Variants in ABAT observed in about 807,000 individuals in gnomAD.
ABAT encodes 4-aminobutyrate aminotransferase.
Under a neutral mutation model 64.6 loss-of-function variants are expected in ABAT, and 45 were observed. The observed-to-expected ratio is 0.70, with a 90% CI of 0.55 to 0.89. ABAT has a LOEUF of 0.89. ABAT is among the 40% of genes least tolerant of loss of function. The pLI is 0.00. For synonymous variants in ABAT, 297 were observed against 250.5 expected, an observed-to-expected ratio of 1.19 and a Z score of -1.75; for missense variants, 633 against 658.4, an observed-to-expected ratio of 0.96 and a Z score of 0.42.
At chr16:8,698,699 C>A (rs964852417) in intron 1 of ABAT, among the ~76,000 whole-genome samples, 1 of 152,150 alleles carries the variant, frequency 6.6e-6, no homozygotes, top group South Asian at 2.1e-4. Flanking sequence ...AATCCCAGCA[C>A]TTTGGGAGGC....
intron 1 of ABAT, among the ~76,000 whole-genome samples, chr16:8,687,462 G>A (rs947398316): frequency 2.7e-5 from 4 of 150,470 alleles, no homozygotes; most frequent in Non-Finnish European, 4.4e-5. Flanking sequence ...GGAGTCGGAG[G>A]TTGCAATGAG....
At chr16:8,680,965 TTTTTC>T (rs1446540190) in intron 1 of ABAT, among the ~76,000 whole-genome samples, 15 of 146,018 alleles carry the variant, frequency 1.0e-4, no homozygotes, top group African/African-American at 3.7e-4. Flanking sequence ...TCTCTTTTTC[TTTTTC>T]TTTTTATTTA....
intron 11 of ABAT, among the ~76,000 whole-genome samples, chr16:8,770,340 T>C (rs151145172): frequency 1.3e-5 from 2 of 152,172 alleles, no homozygotes; most frequent in African/African-American, 4.8e-5. Flanking sequence ...GGTTTCACCG[T>C]GTTAGCCAGG....
At chr16:8,737,851 C>G (rs1263739038) in intron 2 of ABAT, among the ~76,000 whole-genome samples, 3 of 147,646 alleles carry the variant, frequency 2.0e-5, no homozygotes, top group African/African-American at 5.0e-5. Flanking sequence ...GCACTTGAAC[C>G]CAGAAGGCGG....
intron 4 of ABAT, among the ~76,000 whole-genome samples, chr16:8,750,053 T>C (rs2059434377): frequency 6.6e-6 from 1 of 152,256 alleles, no homozygotes; most frequent in Admixed American, 6.5e-5. Context: ...AGTGAGTACT[T>C]TGCAGTGTAA....
intron 2 of ABAT, among the ~76,000 whole-genome samples, chr16:8,739,846 T>C (rs577529063): frequency 2.0e-5 from 3 of 152,054 alleles, no homozygotes; most frequent in African/African-American, 7.2e-5. Context: ...TGAATCTTTT[T>C]TGGCACATTT....
rs140906790 is a variant in ABAT, at chr16:8,695,458, G to A, written c.-42+20747G>A. On this transcript the variant is annotated intron_variant, in intron 1 of 15. Transcript: ENST00000268251. ...ATTCATGATTCTGCAGAAAAACTAG[G>A]CAGCCAGACAGACCTGGTTCAAATC... is the stretch of plus-strand genomic sequence containing the variant. 2.6e-5 allele frequency among the ~76,000 whole-genome samples: 4 copies of A among 152,280 alleles called. No individual in the cohort carries two copies. The East Asian group carries it at 7.7e-4, about 29-fold the overall frequency.
chr16:8,739,817 G>T (rs2059112570), intron 2 of ABAT, among the ~76,000 whole-genome samples: 1 of 151,632 alleles, frequency 6.6e-6, no homozygotes, highest in Admixed American at 6.6e-5. Context: ...TACCTCTTCT[G>T]CATTTTCTTG....
At chr16:8,747,109 C>A (rs1005578525) in intron 3 of ABAT, among the ~76,000 whole-genome samples, 1 of 152,142 alleles carries the variant, frequency 6.6e-6, no homozygotes, top group African/African-American at 2.4e-5. Context: ...CCGCATGGGT[C>A]CGCCATCACT....
chr16:8,780,847 C>A, intron 15 of ABAT: 1 of 317,140 alleles, frequency 3.2e-6, no homozygotes, highest in African/African-American at 2.1e-5. Flanking sequence ...TTAAAATAAG[C>A]AGAGCCTGTC....
intron 1 of ABAT, among the ~76,000 whole-genome samples, chr16:8,705,053 AAT>A (rs2057909972): frequency 6.6e-6 from 1 of 152,040 alleles, no homozygotes; most frequent in South Asian, 2.1e-4. Context: ...GCATTAGCTA[AAT>A]TTCTAGAGTT....
At chr16:8,761,076 T>TAAAACAAAACAAAAC (rs113962100) in intron 6 of ABAT, among the ~76,000 whole-genome samples, 1 of 151,370 alleles carries the variant, frequency 6.6e-6, no homozygotes, top group Non-Finnish European at 1.5e-5. Flanking sequence ...ACCTTGCCTC[T>TAAAACAAAACAAAAC]GAAACAAAAC....
At chr16:8,687,820 A>G (rs1223423570) in intron 1 of ABAT, among the ~76,000 whole-genome samples, 2 of 152,150 alleles carry the variant, frequency 1.3e-5, no homozygotes, top group African/African-American at 2.4e-5. Flanking sequence ...CACCTGTAAA[A>G]TGGCAACAAC....
intron 6 of ABAT, among the ~76,000 whole-genome samples, chr16:8,758,904 C>G (rs1282865221): frequency 6.6e-6 from 1 of 152,036 alleles, no homozygotes; most frequent in Non-Finnish European, 1.5e-5. Flanking sequence ...GAGTTCAAGA[C>G]CAGCCTGGCC....
chr16:8,712,826 G>C (rs1438263952), intron 1 of ABAT: 3 of 152,176 alleles, frequency 2.0e-5, no homozygotes, highest in African/African-American at 7.2e-5. Flanking sequence ...CAACCGAAGC[G>C]CTGTCACGGT....
chr16:8,742,865 C>CAAAAAAAA, intron 2 of ABAT, among the ~76,000 whole-genome samples: 1 of 96,996 alleles, frequency 1.0e-5, no homozygotes, highest in Non-Finnish European at 2.0e-5. Flanking sequence ...GACCCTGTCT[C>CAAAAAAAA]AAAAAAAAAA....
At chr16:8,729,890 C>G (rs921418102) in intron 1 of ABAT, among the ~76,000 whole-genome samples, 1 of 149,980 alleles carries the variant, frequency 6.7e-6, no homozygotes, top group African/African-American at 2.5e-5. Context: ...TAGAGAGTGT[C>G]AGGACTCTGG....
chr16:8,779,476 C>T lies in ABAT; in HGVS notation c.1270-3C>T, dbSNP rs748031646. 1.1e-5 allele frequency: 18 copies of T among 1,613,578 alleles called. No homozygotes were observed. The South Asian group carries it at 1.8e-4, about 16-fold the overall frequency. The stretch of plus-strand genomic sequence containing the variant: ...ACGCCAGCCTTGTCTCCTCCCACTA[C>T]AGGCCCGGTACCCCCAGTTCATCAG... On this transcript the variant is annotated splice_region_variant and splice_polypyrimidine_tract_variant and intron_variant, in intron 14 of 15. Coordinates refer to ENST00000268251, the MANE Select transcript of ABAT (RefSeq NM_020686.6).
Position 8,694,486 on chromosome 16 carries a change from G to C in ABAT, c.-42+19775G>C, listed in dbSNP as rs112748634. 9.9e-3 allele frequency among the ~76,000 whole-genome samples: 1,509 copies of C among 151,906 alleles called. 15 individuals are homozygous for C. Among genetic ancestry groups the C allele is most frequent in the Middle Eastern group, 0.021 (6 of 284 alleles). ...GCTCACAATAGCCTTGAGCTCCTGGGCTTAAGCAATTCTCCCGAGCAGCTG... is the reference window on the plus strand; with the variant it reads ...GCTCACAATAGCCTTGAGCTCCTGGCCTTAAGCAATTCTCCCGAGCAGCTG... On this transcript the variant is annotated intron_variant, in intron 1 of 15. Transcript: ENST00000268251.
Sources: gnomAD v4.1 joint callset for allele counts (sites outside exome capture counted in the v4.1 genomes callset) on GRCh38, gnomAD v4.1.1 for gene constraint, MANE v1.5 for transcripts, NCBI Gene and HGNC (gene_info 2026-07-23, HGNC 2026-07-21) for gene names.